Variants in BBS2 observed in about 807,000 individuals in gnomAD.
The protein encoded by BBS2 is Bardet-Biedl syndrome 2, also known as BBSome complex member BBS2.
In BBS2, 62 loss-of-function variants were observed where a neutral mutation model predicts 83.0. The ratio of observed to expected loss-of-function variants is 0.75; its 90% CI spans 0.61 to 0.92. BBS2 has a LOEUF of 0.92. Among genes scored for constraint, BBS2 ranks in the 40% least tolerant of loss-of-function variants. The pLI is 0.00. For missense variants in BBS2, 784 were observed against 901.0 expected (o/e 0.87, Z 1.66); for synonymous variants, 303 against 326.1 (o/e 0.93, Z 0.76).
In BBS2 at chr16:56,497,532, G is replaced by A. The variant is rs1346968161; in HGVS notation, c.1797+211C>T. ...AATGCATCACTTTAAACCAAACAAA[G>A]CAAGCATGGTGCTCAGGAGCTAAAC... On this transcript the variant is annotated intron_variant, in intron 14 of 16. Coordinates refer to ENST00000245157, the MANE Select transcript of BBS2 (RefSeq NM_031885.5). 1.6e-5 allele frequency: 10 copies of A among 624,998 alleles called. No individual in the cohort carries two copies. The East Asian group carries it at 2.8e-4, about 18-fold the overall frequency. 38.7% of individuals were successfully genotyped at this position (624,998 alleles called of 1,614,324 possible).
rs562056921 is a variant in BBS2, at chr16:56,473,325, C to T, written c.*1-2630G>A. On this transcript the variant is annotated intron_variant, in intron 17 of 17. Transcript: ENST00000682047. ...GCCACAATTAAGTTTTGAAAAACAC[C>T]GTTCTCTAGTATACTTTTTAATGCT... is the stretch of plus-strand genomic sequence containing the variant. 5.9e-5 allele frequency among the ~76,000 whole-genome samples: 9 copies of T among 152,232 alleles called. No individual in the cohort carries two copies. In the South Asian group the frequency reaches 1.5e-3, roughly 25 times the overall value.
rs747686535 is a variant in BBS2, at chr16:56,485,667, C to A, written c.1982G>T (p.Arg661Leu). The A allele has an allele frequency of 1.9e-6, 3 of 1,613,966 alleles. No individual in the cohort carries two copies. The highest frequency in any genetic ancestry group is 1.7e-4 in the Middle Eastern group (1 of 6,060). ...CAACAGCTCTGTGTGATTGTTACAGCGAATTTTATATCCATTTAGCAAGTC... is the reference window on the plus strand; with the variant it reads ...CAACAGCTCTGTGTGATTGTTACAGAGAATTTTATATCCATTTAGCAAGTC... The part of the protein sequence containing the change: ...NRDLLNGYKI[R>L]CNNHTELLGN... The change falls in exon 16 of 17, where the codon CGC (arginine) becomes CTC (leucine). Residue 661 changes from arginine (R) to leucine (L), a missense_variant. Coordinates refer to ENST00000245157, the MANE Select transcript of BBS2 (RefSeq NM_031885.5).
At chr16:56,470,429 CTG>C in exon 18 of BBS2, 1 of 1,460,048 alleles carries the variant, frequency 6.8e-7, no homozygotes, top group South Asian at 1.3e-5. Context: ...AGCTTTTATT[CTG>C]TGAGTCATTT....
chr16:56,485,736 T>C lies in BBS2; in HGVS notation c.1913A>G (p.Lys638Arg). The change falls in exon 16 of 17, where the codon AAA becomes AGA. Residue 638 changes from lysine (K) to arginine (R), a missense_variant and splice_region_variant. Physicochemically the swap from Lys to Arg is conservative, Grantham distance 26. Coordinates refer to ENST00000245157, the MANE Select transcript of BBS2 (RefSeq NM_031885.5). ...TTCCATATAACGACTCTTCATTGTT[T>C]TCCTGTGCAAATCAGTAGAAATTTG... ...AEDARLMRDM[K>R]TMKSRYMELY... 1 of 1,613,914 alleles carries C rather than the reference T, an allele frequency of 6.2e-7. No homozygotes were observed. The highest frequency in any genetic ancestry group is 2.2e-5 in the East Asian group (1 of 44,866).
At chr16:56,483,327 T>G (rs546211587), downstream of BBS2, among the ~76,000 whole-genome samples, 2 of 152,192 alleles carry the variant, frequency 1.3e-5, no homozygotes, top group Non-Finnish European at 1.5e-5. Context: ...GGACAGCCCT[T>G]GTCAAATAGT....
Position 56,499,857 on chromosome 16 carries a change from A to G in BBS2, c.1448T>C (p.Met483Thr). ...ESTRQLPRFS[M>T]YALTSLDPAS... The stretch of plus-strand genomic sequence containing the variant: ...AGGGTCCAGGCTGGTCAGCGCATAC[A>G]TGGAGAATCGAGGGAGCTGTCTTGT... Residue 483 changes from methionine (M) to threonine (T), a missense_variant, in exon 12 of 17, where the codon ATG (methionine) becomes ACG (threonine). Transcript: ENST00000245157. The G allele has an allele frequency of 6.2e-7, 1 of 1,614,170 alleles. No homozygotes were observed. Among genetic ancestry groups the G allele is most frequent in the South Asian group, 1.1e-5 (1 of 91,080 alleles).
chr16:56,518,261 A>G (rs17841922), intron 1 of BBS2, among the ~76,000 whole-genome samples: 11,840 of 152,236 alleles, frequency 0.078, 688 homozygotes, highest in East Asian at 0.15. Context: ...TACAATATAC[A>G]TGGAAGTGTC....
In BBS2 at chr16:56,514,578, C is replaced by A. The variant is rs1413518152; in HGVS notation, c.220G>T (p.Ala74Ser). 2 of 1,613,906 alleles carry A rather than the reference C, an allele frequency of 1.2e-6. No individual in the cohort carries two copies. The highest frequency in any genetic ancestry group is 1.7e-6 in the Non-Finnish European group (2 of 1,179,898). Reference protein sequence around the residue: ...SDVSLLSINQAVSCLTAGVLN... With the variant: ...SDVSLLSINQSVSCLTAGVLN... ...ACGCCTGCAGTCAGACAGCTGACTG[C>A]CTGGTTAATGCTGAGAAGAGAAACA... Residue 74 changes from alanine (A) to serine (S), a missense_variant, in exon 2 of 17, where the codon GCA (alanine) becomes TCA (serine). Physicochemically the swap from Ala to Ser is moderately conservative, Grantham distance 99. Transcript: ENST00000245157.
downstream of BBS2, among the ~76,000 whole-genome samples, chr16:56,481,348 G>C (rs1410100400): frequency 6.6e-6 from 1 of 152,078 alleles, no homozygotes; most frequent in African/African-American, 2.4e-5. Flanking sequence ...CACCATTCTT[G>C]CTTAACAGGG....
intron 7 of BBS2, among the ~76,000 whole-genome samples, chr16:56,503,674 C>T (rs1213501875): frequency 6.6e-6 from 1 of 152,220 alleles, no homozygotes; most frequent in Non-Finnish European, 1.5e-5. Flanking sequence ...AATGCCAGCA[C>T]TTTGTGAGGC....
At chr16:56,504,801 T>C (rs1964379296) in intron 7 of BBS2, among the ~76,000 whole-genome samples, 2 of 152,242 alleles carry the variant, frequency 1.3e-5, no homozygotes, top group African/African-American at 2.4e-5. Flanking sequence ...TCCACTGCTA[T>C]GATCTGAATG....
chr16:56,474,879 A>G (rs1305490755), intron 17 of BBS2: 1 of 1,613,414 alleles, frequency 6.2e-7, no homozygotes, highest in Non-Finnish European at 8.5e-7. Context: ...AAGACCGGTC[A>G]CTACACTTTA....
At chr16:56,487,489 A>T (rs1306086914) in intron 15 of BBS2, among the ~76,000 whole-genome samples, 14 of 152,032 alleles carry the variant, frequency 9.2e-5, no homozygotes, top group Non-Finnish European at 1.9e-4. Flanking sequence ...ACAATTATAA[A>T]ATATTTCGTA....
intron 15 of BBS2, among the ~76,000 whole-genome samples, chr16:56,494,563 A>G (rs974158966): frequency 4.6e-5 from 7 of 152,154 alleles, no homozygotes; most frequent in Non-Finnish European, 8.8e-5. Flanking sequence ...AGCCTGAAAC[A>G]TTTCATCATA....
chr16:56,503,094 T>C (rs1262032626), intron 7 of BBS2, among the ~76,000 whole-genome samples: 1 of 152,198 alleles, frequency 6.6e-6, no homozygotes. Context: ...CCAGTACATA[T>C]AGTACACACA....
At position 56,510,072 on chromosome 16, in the gene BBS2, T is replaced by G. The variant is rs73547692; in HGVS notation, c.535-38A>C. 1.2e-3 allele frequency: 1,912 copies of G among 1,595,000 alleles called. 18 individuals are homozygous for G. The African/African-American group carries it at 0.023, about 19-fold the overall frequency. ...TATCATACATGTTCAGGTGAGTAAG[T>G]GCAAACAACAAAATTTCTGTAAACA... On this transcript the variant is annotated intron_variant, in intron 4 of 16. Coordinates refer to ENST00000245157, the MANE Select transcript of BBS2 (RefSeq NM_031885.5).
At chr16:56,513,896 G>A (rs1269353784) in intron 2 of BBS2, among the ~76,000 whole-genome samples, 1 of 152,144 alleles carries the variant, frequency 6.6e-6, no homozygotes, top group Admixed American at 6.5e-5. Flanking sequence ...AAGGCTACAT[G>A]TATATATGAC....
At chr16:56,489,625 C>T (rs1438287116) in intron 15 of BBS2, among the ~76,000 whole-genome samples, 1 of 151,380 alleles carries the variant, frequency 6.6e-6, no homozygotes, top group Non-Finnish European at 1.5e-5. Context: ...AGTGAAACTC[C>T]ATCTCTACTA....
In BBS2 at chr16:56,492,245, CAT is replaced by C. The variant is rs1434560379; in HGVS notation, c.1910+4720_1910+4721del. Among the ~76,000 whole-genome samples the C allele has an allele frequency of 1.4e-4, 21 of 152,114 alleles. No individual in the cohort carries two copies. In the South Asian group the frequency reaches 3.9e-3, roughly 29 times the overall value. Reference sequence around the variant, plus strand: ...TCACCACACTATTTACAATAACCAACATGTGGAAAAAACATAAATGTTCATCA... The same window carrying C: ...TCACCACACTATTTACAATAACCAACGTGGAAAAAACATAAATGTTCATCA... On this transcript the variant is annotated intron_variant, in intron 15 of 16. Transcript: ENST00000245157.
Sources: gnomAD v4.1 joint callset for allele counts (sites outside exome capture counted in the v4.1 genomes callset) on GRCh38, gnomAD v4.1.1 for gene constraint, MANE v1.5 for transcripts, NCBI Gene and HGNC (gene_info 2026-07-23, HGNC 2026-07-21) for gene names.